Variants in THSD7A observed in about 807,000 individuals in gnomAD.
The protein encoded by THSD7A is thrombospondin type 1 domain containing 7A.
A neutral mutation model predicts 231.3 loss-of-function variants in THSD7A; 96 were observed. The observed-to-expected ratio is 0.41, with a 90% CI of 0.35 to 0.49. The LOEUF (loss-of-function observed/expected upper bound fraction) is 0.49. THSD7A is among the 20% of genes least tolerant of loss of function. The probability of loss-of-function intolerance (pLI) is 0.05; values close to 1 mark genes in which losing one functional copy is unlikely to be tolerated. For synonymous variants in THSD7A, 940 were observed against 743.3 expected, an observed-to-expected ratio of 1.26 and a Z score of -4.30; for missense variants, 2,290 against 2,070.2, an observed-to-expected ratio of 1.11 and a Z score of -2.06.
At chr7:11,690,288 T>C (rs560183409) in intron 1 of THSD7A, among the ~76,000 whole-genome samples, 6 of 151,892 alleles carry the variant, frequency 4.0e-5, no homozygotes, top group Admixed American at 1.3e-4. Flanking sequence ...AAATTAAATT[T>C]GTATGGTAGA....
chr7:11,669,294 C>T (rs1526525), intron 1 of THSD7A, among the ~76,000 whole-genome samples: 96,715 of 152,078 alleles, frequency 0.64, 31,355 homozygotes, highest in African/African-American at 0.76. Context: ...AAGAGACATA[C>T]TGTATTTAAA....
At chr7:11,759,465 G>A (rs1782786803) in intron 1 of THSD7A, among the ~76,000 whole-genome samples, 1 of 152,018 alleles carries the variant, frequency 6.6e-6, no homozygotes, top group Non-Finnish European at 1.5e-5. Context: ...ATATGAATAT[G>A]TGACAAGGAC....
chr7:11,375,976 G>T, intron 27 of THSD7A, 98 bp from the exon 28 acceptor site: 3 of 1,136,842 alleles, frequency 2.6e-6, no homozygotes, highest in Non-Finnish European at 3.9e-6. Context: ...TTGATAAACT[G>T]AAATTGCCTC....
intron 23 of THSD7A, chr7:11,384,726 C>T (rs1782663369): frequency 6.6e-6 from 1 of 151,928 alleles, no homozygotes; most frequent in African/African-American, 2.4e-5. Flanking sequence ...CCCTTTTTAA[C>T]TATTGATGCT....
chr7:11,440,207 A>G (rs148620945), intron 13 of THSD7A, among the ~76,000 whole-genome samples: 38 of 152,134 alleles, frequency 2.5e-4, no homozygotes, highest in Non-Finnish European at 4.7e-4. Context: ...TTTTAAGCCC[A>G]CTGCTGAGAC....
At chr7:11,521,496 A>AT (rs1430896061) in intron 6 of THSD7A, among the ~76,000 whole-genome samples, 2 of 134,178 alleles carry the variant, frequency 1.5e-5, no homozygotes, top group Non-Finnish European at 3.2e-5. Context: ...TTATTTATTT[A>AT]TTTTTTTATT....
intron 1 of THSD7A, among the ~76,000 whole-genome samples, chr7:11,676,837 A>G (rs1313578437): frequency 6.6e-6 from 1 of 152,204 alleles, no homozygotes; most frequent in East Asian, 1.9e-4. Context: ...CAAGTTGGAA[A>G]ACACACTGCA....
chr7:11,567,397 T>A (rs971915286), intron 4 of THSD7A, among the ~76,000 whole-genome samples: 1 of 152,158 alleles, frequency 6.6e-6, no homozygotes, highest in Admixed American at 6.5e-5. Context: ...ATGATTCAAT[T>A]ACCTCCACCT....
intron 1 of THSD7A, among the ~76,000 whole-genome samples, chr7:11,652,845 T>C (rs1313558192): frequency 3.9e-5 from 6 of 152,004 alleles, no homozygotes; most frequent in African/African-American, 1.4e-4. Context: ...TGATTATTCC[T>C]ATAATTGATA....
intron 6 of THSD7A, among the ~76,000 whole-genome samples, chr7:11,485,601 A>G (rs1208389493): frequency 2.6e-5 from 4 of 152,192 alleles, no homozygotes; most frequent in African/African-American, 9.6e-5. Context: ...TATCTTTCTC[A>G]AATAGCAAAA....
intron 1 of THSD7A, among the ~76,000 whole-genome samples, chr7:11,661,302 T>G (rs1369704081): frequency 1.3e-5 from 2 of 151,404 alleles, no homozygotes; most frequent in Admixed American, 6.6e-5. Flanking sequence ...ATATAAATTA[T>G]ACACAACTCA....
chr7:11,565,734 A>G (rs1187877765), intron 4 of THSD7A, among the ~76,000 whole-genome samples: 3 of 152,130 alleles, frequency 2.0e-5, no homozygotes, highest in Non-Finnish European at 4.4e-5. Flanking sequence ...GACCATGATA[A>G]GTCTATTTTC....
Position 11,831,953 on chromosome 7 carries a change from T to A in THSD7A, c.-7A>T, listed in dbSNP as rs2128189901. On this transcript the variant is annotated 5_prime_UTR_variant, in exon 1 of 28. Transcript: ENST00000423059. This position sits in a 1 kb window ranked among gnomAD's most constrained non-coding sequence, Gnocchi z 5.0. ...GCCTGGCTTGCAGCCCCATGCCGCC[T>A]GCAGCCACTCCAGGGTCCAGAGCCG... The A allele has an allele frequency of 1.6e-6, 2 of 1,229,262 alleles. No homozygotes were observed. The highest frequency in any genetic ancestry group is 2.0e-6 in the Non-Finnish European group (2 of 987,984). The allele number at this position is 1,229,262 out of a possible 1,614,324, so 76.1% of individuals were successfully genotyped here.
intron 25 of THSD7A, 175 bp from the exon 26 acceptor site, chr7:11,379,455 T>C: frequency 4.6e-6 from 4 of 871,236 alleles, no homozygotes; most frequent in Non-Finnish European, 7.0e-6. Flanking sequence ...GAAAATGTAT[T>C]CTAAAGGTGA....
chr7:11,773,122 A>T (rs1363682128), intron 1 of THSD7A, among the ~76,000 whole-genome samples: 1 of 152,200 alleles, frequency 6.6e-6, no homozygotes, highest in East Asian at 1.9e-4. Flanking sequence ...TTGCAAAGAA[A>T]GGATGAATAT....
chr7:11,586,756 G>A (rs1779926746), intron 4 of THSD7A, among the ~76,000 whole-genome samples: 2 of 152,022 alleles, frequency 1.3e-5, no homozygotes, highest in African/African-American at 4.8e-5. Context: ...TTGAGCATGA[G>A]GAAATGCGAG....
intron 1 of THSD7A, among the ~76,000 whole-genome samples, chr7:11,747,661 C>G (rs114083855): frequency 2.0e-5 from 3 of 151,896 alleles, no homozygotes; most frequent in African/African-American, 7.2e-5. Context: ...GATAGAAAGA[C>G]ATATGGCTGA....
At chr7:11,496,787 A>AT (rs1787120254) in intron 6 of THSD7A, among the ~76,000 whole-genome samples, 1 of 152,216 alleles carries the variant, frequency 6.6e-6, no homozygotes, top group Non-Finnish European at 1.5e-5. Flanking sequence ...ATACAATGAA[A>AT]TGTTCTTGAA....
chr7:11,556,809 T>G (rs2128327984), intron 4 of THSD7A, among the ~76,000 whole-genome samples: 1 of 152,210 alleles, frequency 6.6e-6, no homozygotes, highest in Middle Eastern at 3.4e-3. Flanking sequence ...TTCTGACCTA[T>G]ATGGTTTCTG....
Sources: gnomAD v4.1 joint callset for allele counts (sites outside exome capture counted in the v4.1 genomes callset) on GRCh38, gnomAD v4.1.1 for gene constraint, Gnocchi (gnomAD v3.1) non-coding constraint, MANE v1.5 for transcripts, NCBI Gene and HGNC (gene_info 2026-07-23, HGNC 2026-07-21) for gene names.